DPP10: variants seen among roughly 807,000 people sequenced by gnomAD.
The protein encoded by DPP10 is inactive dipeptidyl peptidase 10.
A neutral mutation model predicts 120.9 loss-of-function variants in DPP10; 33 were observed. The ratio of observed to expected loss-of-function variants is 0.27; its 90% CI spans 0.21 to 0.37. DPP10 has a LOEUF of 0.37. DPP10 is among the 10% of genes least tolerant of loss of function. DPP10 has a pLI of 1.00. For missense variants in DPP10, 816 were observed against 942.8 expected (o/e 0.87, Z 1.76); for synonymous variants, 337 against 326.1 (o/e 1.03, Z -0.36).
intron 1 of DPP10, among the ~76,000 whole-genome samples, chr2:115,157,784 A>G (rs1015965698): frequency 1.3e-5 from 2 of 152,228 alleles, no homozygotes; most frequent in African/African-American, 4.8e-5. Flanking sequence ...TTTCAGGCCA[A>G]GTCTCTGAAG....
chr2:114,863,985 T>A (rs72832432), intron 1 of DPP10, among the ~76,000 whole-genome samples: 5,881 of 152,224 alleles, frequency 0.039, 200 homozygotes, highest in African/African-American at 0.087. Context: ...TGAAGGACCT[T>A]TGTTTTGTTT....
intron 3 of DPP10, among the ~76,000 whole-genome samples, chr2:115,489,381 GA>G (rs751179743): frequency 2.0e-5 from 3 of 151,782 alleles, no homozygotes; most frequent in Non-Finnish European, 4.4e-5. Flanking sequence ...GAGGACCCCA[GA>G]AAAACCTGAA....
intron 3 of DPP10, among the ~76,000 whole-genome samples, chr2:115,353,049 A>T (rs1244707475): frequency 1.3e-5 from 2 of 152,134 alleles, no homozygotes; most frequent in Non-Finnish European, 2.9e-5. Context: ...AGACTATAGA[A>T]ACTAGATCAA....
At chr2:114,890,342 G>A (rs1333078926) in intron 1 of DPP10, among the ~76,000 whole-genome samples, 2 of 152,146 alleles carry the variant, frequency 1.3e-5, no homozygotes, top group Non-Finnish European at 2.9e-5. Flanking sequence ...AAAGGTATGA[G>A]AAGCAATTCT....
chr2:114,556,185 T>C (rs1333360424), intron 1 of DPP10, among the ~76,000 whole-genome samples: 1 of 144,026 alleles, frequency 6.9e-6, no homozygotes, highest in African/African-American at 2.6e-5. Context: ...GAGAGGGTGG[T>C]GACTTGAACT....
At chr2:115,565,934 C>A (rs769727606) in intron 5 of DPP10, among the ~76,000 whole-genome samples, 1 of 151,840 alleles carries the variant, frequency 6.6e-6, no homozygotes, top group African/African-American at 2.4e-5. Flanking sequence ...TATAGGCATG[C>A]GCCACCAAGC....
intron 1 of DPP10, among the ~76,000 whole-genome samples, chr2:115,067,505 G>T (rs1333837537): frequency 3.4e-5 from 5 of 148,146 alleles, no homozygotes; most frequent in Non-Finnish European, 7.5e-5. Flanking sequence ...CCCCGCCTCG[G>T]CCTCCCAAAG....
chr2:115,803,674 T>G (rs972111861), intron 19 of DPP10, among the ~76,000 whole-genome samples: 16 of 152,172 alleles, frequency 1.1e-4, no homozygotes, highest in Non-Finnish European at 2.1e-4. Flanking sequence ...AGTGTTTTTT[T>G]CTCCTTCACG....
At chr2:115,699,052 A>AAAAAAAAAAAAAAC (rs2091760937) in intron 7 of DPP10, among the ~76,000 whole-genome samples, 1 of 143,154 alleles carries the variant, frequency 7.0e-6, no homozygotes, top group African/African-American at 2.5e-5. Context: ...AAAAAAAACA[A>AAAAAAAAAAAAAAC]GAGAAGACTC....
intron 5 of DPP10, among the ~76,000 whole-genome samples, chr2:115,541,853 A>AGCATG (rs1382670871): frequency 1.3e-5 from 2 of 151,920 alleles, no homozygotes; most frequent in Admixed American, 1.3e-4. Context: ...TAAATTACGT[A>AGCATG]GCATGTTACA....
intron 5 of DPP10, among the ~76,000 whole-genome samples, chr2:115,533,891 G>A (rs1301574426): frequency 6.6e-6 from 1 of 151,862 alleles, no homozygotes; most frequent in Non-Finnish European, 1.5e-5. Context: ...AGATATTAAG[G>A]CATTAAAAAT....
intron 1 of DPP10, among the ~76,000 whole-genome samples, chr2:114,701,905 A>G (rs907118432): frequency 3.3e-5 from 5 of 152,146 alleles, no homozygotes; most frequent in African/African-American, 4.8e-5. Context: ...TTAAATAACA[A>G]ATCAGCGCAA....
At chr2:114,870,502 T>C (rs1360817973) in intron 1 of DPP10, among the ~76,000 whole-genome samples, 1 of 151,690 alleles carries the variant, frequency 6.6e-6, no homozygotes, top group Non-Finnish European at 1.5e-5. Context: ...AAAAATCAGG[T>C]ATATTTTAAG....
At chr2:115,639,259 C>T (rs769828507) in intron 5 of DPP10, among the ~76,000 whole-genome samples, 15 of 152,282 alleles carry the variant, frequency 9.9e-5, no homozygotes, top group Admixed American at 2.0e-4. Context: ...TCTCACTGAA[C>T]GTCTCTCTTC....
At chr2:115,039,402 T>C (rs946327868) in intron 1 of DPP10, among the ~76,000 whole-genome samples, 2 of 152,202 alleles carry the variant, frequency 1.3e-5, no homozygotes, top group Non-Finnish European at 2.9e-5. Context: ...CCAAATGGTT[T>C]GTTACTGCAA....
chr2:115,672,666 T>TTCTCTCTC (rs1178410248), intron 5 of DPP10, among the ~76,000 whole-genome samples: 3 of 130,044 alleles, frequency 2.3e-5, no homozygotes, highest in African/African-American at 9.6e-5. Flanking sequence ...CTTTCTTTCT[T>TTCTCTCTC]TCTCTCTTTC....
intron 1 of DPP10, among the ~76,000 whole-genome samples, chr2:114,789,416 C>T (rs2106230608): frequency 6.6e-6 from 1 of 152,248 alleles, no homozygotes; most frequent in Non-Finnish European, 1.5e-5. Context: ...GCCCTCTGTC[C>T]CTCTCTCATA....
At chr2:115,260,861 T>G (rs1243479600) in intron 1 of DPP10, among the ~76,000 whole-genome samples, 5 of 152,190 alleles carry the variant, frequency 3.3e-5, no homozygotes, top group Non-Finnish European at 5.9e-5. Flanking sequence ...ATAAGTTCAT[T>G]CAATTTGGAA....
chr2:115,505,160 C>T (rs961239415), intron 4 of DPP10, among the ~76,000 whole-genome samples: 1 of 151,634 alleles, frequency 6.6e-6, no homozygotes, highest in East Asian at 1.9e-4. Context: ...ACATTCATAG[C>T]CATTTATTAT....
Sources: allele counts gnomAD v4.1 joint callset (sites outside exome capture counted in the v4.1 genomes callset), GRCh38; gene constraint gnomAD v4.1.1; transcripts MANE v1.5; gene names NCBI Gene and HGNC (gene_info 2026-07-23, HGNC 2026-07-21).